The following LHPP variants were observed in gnomAD, a reference collection of about 807,000 sequenced individuals.
LHPP encodes the protein hLHPP.
LHPP carries 24 observed loss-of-function variants against 30.3 expected under a neutral mutation model. The ratio of observed to expected loss-of-function variants is 0.79; its 90% CI spans 0.57 to 1.11. The LOEUF is 1.11. Among genes scored for constraint, LHPP ranks in the 50% most tolerant of loss-of-function variants. LHPP has a pLI of 0.00. For missense variants in LHPP, 356 were observed against 367.2 expected, an observed-to-expected ratio of 0.97 and a Z score of 0.25; for synonymous variants, 150 against 157.1, an observed-to-expected ratio of 0.95 and a Z score of 0.34.
intron 6 of LHPP, among the ~76,000 whole-genome samples, chr10:124,530,926 T>C (rs1219616476): frequency 6.6e-6 from 1 of 151,488 alleles, no homozygotes; most frequent in African/African-American, 2.4e-5. Context: ...GTCCTTCTTG[T>C]CTCCCTGGCA....
rs542138046 is a variant in LHPP at position 124,542,699 on chromosome 10, T to G, written c.716+25428T>G. ...GCCCAGCCAGGCTGGAGGCCCATTT[T>G]TCCCAGAAGCCCACCTCTCTGCCTC... On this transcript the variant is annotated intron_variant, in intron 6 of 6. Coordinates refer to ENST00000368842, the MANE Select transcript of LHPP (RefSeq NM_022126.4). 1.2e-3 allele frequency among the ~76,000 whole-genome samples: 186 copies of G among 152,258 alleles called. 2 individuals are homozygous for G. Among genetic ancestry groups the G allele is most frequent in the Admixed American group, 4.6e-3 (71 of 15,306 alleles).
At chr10:124,489,461 T>A (rs549980368) in intron 3 of LHPP, among the ~76,000 whole-genome samples, 1 of 152,292 alleles carries the variant, frequency 6.6e-6, no homozygotes, top group East Asian at 1.9e-4. Flanking sequence ...CTTGTATATA[T>A]ATATATTTTT....
At chr10:124,575,491 G>A (rs927305949) in intron 6 of LHPP, among the ~76,000 whole-genome samples, 1 of 152,144 alleles carries the variant, frequency 6.6e-6, no homozygotes, top group Non-Finnish European at 1.5e-5. Flanking sequence ...CCCCTGCTTT[G>A]TTCTTCCTAG....
intron 6 of LHPP, among the ~76,000 whole-genome samples, chr10:124,531,077 C>T (rs1000362491): frequency 4.6e-5 from 7 of 152,170 alleles, no homozygotes; most frequent in Non-Finnish European, 1.0e-4. Flanking sequence ...CACCTGGAGC[C>T]TTTATGCATG....
At chr10:124,519,083 G>A (rs2133913281) in intron 6 of LHPP, among the ~76,000 whole-genome samples, 1 of 152,274 alleles carries the variant, frequency 6.6e-6, no homozygotes. Flanking sequence ...GAGTAGCTGG[G>A]ACTACAGGTG....
In LHPP at chr10:124,478,858, T is replaced by G. The variant is rs1440003033; in HGVS notation, c.126-5281T>G. Among the ~76,000 whole-genome samples the G allele has an allele frequency of 6.6e-6, 1 of 152,038 alleles. No homozygotes were observed. Among genetic ancestry groups the G allele is most frequent in the African/African-American group, 2.4e-5 (1 of 41,400 alleles). On this transcript the variant is annotated intron_variant, in intron 1 of 6. Coordinates refer to ENST00000368842, the MANE Select transcript of LHPP (RefSeq NM_022126.4). The surrounding 1 kb of genome is among the most constrained non-coding windows in gnomAD (Gnocchi z 4.7). ...CCGAGGCAGGTGGATCACTGGAGAT[T>G]GGGAGTTCAAGACCAGCCTGGGCAA...
intron 5 of LHPP, among the ~76,000 whole-genome samples, chr10:124,504,612 AT>A (rs1820935655): frequency 6.6e-6 from 1 of 151,300 alleles, no homozygotes; most frequent in Non-Finnish European, 1.5e-5. Flanking sequence ...AAAAAAAAAA[AT>A]AGGAAAGCAA....
intron 6 of LHPP, among the ~76,000 whole-genome samples, chr10:124,544,696 G>A (rs74160921): frequency 0.077 from 11,730 of 152,316 alleles, 615 homozygotes; most frequent in African/African-American, 0.14. Context: ...CTCTGTGGCC[G>A]GCTGAGTGGC....
At chr10:124,558,845 C>T (rs865849179) in intron 6 of LHPP, among the ~76,000 whole-genome samples, 10 of 152,366 alleles carry the variant, frequency 6.6e-5, no homozygotes, top group Middle Eastern at 3.4e-3. Flanking sequence ...CATTCCCATG[C>T]GTAGCGAAAC....
Position 124,526,077 on chromosome 10 carries a change from A to C in LHPP, c.716+8806A>C, listed in dbSNP as rs144984838. Reference sequence around the variant, plus strand: ...CTCTTGGGAACGTGCAGGTCCCTCGAGGGTCCTGGAAGGCGCTGGAGTGGT... The same window carrying C: ...CTCTTGGGAACGTGCAGGTCCCTCGCGGGTCCTGGAAGGCGCTGGAGTGGT... On this transcript the variant is annotated intron_variant, in intron 6 of 6. Coordinates refer to ENST00000368842, the MANE Select transcript of LHPP (RefSeq NM_022126.4). The C allele has an allele frequency of 2.1e-3, 1,362 of 657,988 alleles. 12 individuals are homozygous for C. The East Asian group carries it at 0.024, about 11-fold the overall frequency. 40.8% of individuals were successfully genotyped at this position (657,988 alleles called of 1,614,324 possible).
chr10:124,514,555 G>A (rs904864780), intron 5 of LHPP, among the ~76,000 whole-genome samples: 2 of 152,080 alleles, frequency 1.3e-5, no homozygotes, highest in Non-Finnish European at 2.9e-5. Context: ...GAAATCTAAC[G>A]TCTTAATCTT....
At chr10:124,469,636 T>A (rs963658631) in intron 1 of LHPP, among the ~76,000 whole-genome samples, 27 of 152,086 alleles carry the variant, frequency 1.8e-4, no homozygotes, top group African/African-American at 6.5e-4. Flanking sequence ...GTTCATTTAT[T>A]CCTTTTTTAT....
intron 1 of LHPP, among the ~76,000 whole-genome samples, chr10:124,466,456 C>CGTTTTT (rs1418594025): frequency 1.3e-5 from 2 of 152,046 alleles, no homozygotes; most frequent in Admixed American, 6.6e-5. Flanking sequence ...TGTATACCAA[C>CGTTTTT]GTTTTTGTTT....
At chr10:124,599,410 C>T (rs10901778) in intron 6 of LHPP, among the ~76,000 whole-genome samples, 28,892 of 152,250 alleles carry the variant, frequency 0.19, 3,088 homozygotes, top group East Asian at 0.27. Context: ...AGAAGGGAGG[C>T]TCTGAGTGGC....
chr10:124,492,793 G>A (rs926960780), intron 3 of LHPP, among the ~76,000 whole-genome samples: 2 of 152,150 alleles, frequency 1.3e-5, no homozygotes, highest in Non-Finnish European at 2.9e-5. Context: ...TCATTTACCC[G>A]GGCTGACCCA....
chr10:124,601,314 T>C (rs1433904500), intron 6 of LHPP, among the ~76,000 whole-genome samples: 4 of 152,180 alleles, frequency 2.6e-5, no homozygotes, highest in African/African-American at 7.2e-5. Context: ...TCGGCCCATA[T>C]TGTGGGATCT....
chr10:124,466,666 A>G (rs1349898568), intron 1 of LHPP, among the ~76,000 whole-genome samples: 2 of 151,912 alleles, frequency 1.3e-5, no homozygotes, highest in Non-Finnish European at 2.9e-5. Context: ...CACATTGGCC[A>G]GGCTGGTTTC....
At chr10:124,464,822 G>T (rs1382519883) in intron 1 of LHPP, among the ~76,000 whole-genome samples, 1 of 152,200 alleles carries the variant, frequency 6.6e-6, no homozygotes, top group Non-Finnish European at 1.5e-5. Flanking sequence ...ATCTACCAGT[G>T]GTTCCACTTC....
At chr10:124,522,736 C>G (rs888985090) in intron 6 of LHPP, among the ~76,000 whole-genome samples, 4 of 143,540 alleles carry the variant, frequency 2.8e-5, no homozygotes, top group African/African-American at 1.0e-4. Flanking sequence ...CCCCCCCAAG[C>G]ACTGTCTGCT....
Sources: allele counts gnomAD v4.1 joint callset (sites outside exome capture counted in the v4.1 genomes callset), GRCh38; gene constraint gnomAD v4.1.1; non-coding constraint Gnocchi (gnomAD v3.1); transcripts MANE v1.5; gene names NCBI Gene and HGNC (gene_info 2026-07-23, HGNC 2026-07-21).